Variants in MTUS2 observed in about 807,000 individuals in gnomAD.
MTUS2 encodes microtubule associated scaffold protein 2, also known as microtubule-associated tumor suppressor candidate 2.
A neutral mutation model predicts 114.1 loss-of-function variants in MTUS2; 40 were observed. That is an observed-to-expected ratio of 0.35 (90% confidence interval 0.27 to 0.46). The LOEUF is 0.46. MTUS2 is among the 20% of genes least tolerant of loss of function. The probability of loss-of-function intolerance (pLI) is 1.00; values close to 1 mark genes in which losing one functional copy is unlikely to be tolerated. For synonymous variants in MTUS2, 688 were observed against 672.0 expected, an observed-to-expected ratio of 1.02 and a Z score of -0.37; for missense variants, 1,679 against 1,705.4, an observed-to-expected ratio of 0.98 and a Z score of 0.27.
At chr13:29,158,358 C>CCCCCCCCCTCTT in intron 5 of MTUS2, among the ~76,000 whole-genome samples, 1 of 32,048 alleles carries the variant, frequency 3.1e-5, no homozygotes. Context: ...GTCCACCCCG[C>CCCCCCCCCTCTT]TTTTTTTTTT....
rs571526821 is a variant in MTUS2 at position 28,906,982 on chromosome 13, A to G, written c.-243+67132A>G. ...CACCAAAGTAGAAATGAAGGAAAAA[A>G]TGTTAAGGGCAGCCAGAGAGAAAGG... On this transcript the variant is annotated intron_variant, in intron 2 of 15. Coordinates refer to ENST00000612955, the MANE Select transcript of MTUS2 (RefSeq NM_001033602.4). Among the ~76,000 whole-genome samples, 16 of 151,664 alleles carry G rather than the reference A, an allele frequency of 1.1e-4. 2 individuals carry two copies. In the South Asian group the frequency reaches 2.9e-3, roughly 28 times the overall value.
chr13:29,023,857 A>G (rs965794208), intron 2 of MTUS2, among the ~76,000 whole-genome samples: 20 of 152,320 alleles, frequency 1.3e-4, no homozygotes, highest in African/African-American at 4.6e-4. Flanking sequence ...GAACTAACTA[A>G]TATCAGGAGT....
At chr13:28,934,549 G>T (rs761106003) in intron 2 of MTUS2, among the ~76,000 whole-genome samples, 16 of 152,252 alleles carry the variant, frequency 1.1e-4, no homozygotes, top group South Asian at 6.2e-4. Flanking sequence ...TTGAGACGGA[G>T]TTTCACTGTT....
intron 2 of MTUS2, among the ~76,000 whole-genome samples, chr13:28,982,490 A>G (rs1417346260): frequency 6.6e-6 from 1 of 152,224 alleles, no homozygotes; most frequent in Non-Finnish European, 1.5e-5. Flanking sequence ...ACATAGAATT[A>G]TCATCTGATC....
intron 5 of MTUS2, among the ~76,000 whole-genome samples, chr13:29,158,358 C>CCCCCCCTTCTTT: frequency 6.2e-5 from 2 of 32,048 alleles, no homozygotes; most frequent in Non-Finnish European, 1.0e-4. Flanking sequence ...GTCCACCCCG[C>CCCCCCCTTCTTT]TTTTTTTTTT....
At chr13:28,896,623 G>C (rs879842155) in intron 2 of MTUS2, among the ~76,000 whole-genome samples, 1 of 152,180 alleles carries the variant, frequency 6.6e-6, no homozygotes, top group Admixed American at 6.5e-5. Flanking sequence ...AACAAAGCTG[G>C]TGGCGTCACG....
chr13:29,176,464 T>G (rs1893776883), intron 5 of MTUS2, among the ~76,000 whole-genome samples: 1 of 152,194 alleles, frequency 6.6e-6, no homozygotes, highest in Admixed American at 6.5e-5. Flanking sequence ...TCACAGAGCC[T>G]GTCCAGGGTC....
At chr13:29,136,210 A>T (rs1171923106) in intron 5 of MTUS2, among the ~76,000 whole-genome samples, 2 of 152,184 alleles carry the variant, frequency 1.3e-5, no homozygotes, top group Admixed American at 1.3e-4. Context: ...ATTAGGAACA[A>T]ACTCCCTCAA....
intron 8 of MTUS2, among the ~76,000 whole-genome samples, chr13:29,401,559 T>C (rs1874351971): frequency 6.6e-6 from 1 of 152,176 alleles, no homozygotes; most frequent in Admixed American, 6.5e-5. Flanking sequence ...AGGGGTTTTT[T>C]CCCCATATAA....
intron 5 of MTUS2, among the ~76,000 whole-genome samples, chr13:29,145,910 A>G (rs1566031684): frequency 1.3e-5 from 2 of 152,174 alleles, no homozygotes. Flanking sequence ...CACACCTTCA[A>G]ATGGTAAAGA....
intron 2 of MTUS2, among the ~76,000 whole-genome samples, chr13:29,015,790 C>A (rs1283085972): frequency 6.6e-6 from 1 of 152,030 alleles, no homozygotes; most frequent in Non-Finnish European, 1.5e-5. Context: ...GGAGGAAGAA[C>A]ATGACATGCA....
At chr13:29,483,231 G>A (rs921950996) in intron 10 of MTUS2, among the ~76,000 whole-genome samples, 10 of 152,216 alleles carry the variant, frequency 6.6e-5, no homozygotes, top group African/African-American at 2.2e-4. Flanking sequence ...GGCAGCAGGG[G>A]CAGGTGCTGC....
intron 2 of MTUS2, among the ~76,000 whole-genome samples, chr13:28,985,986 A>G (rs542776115): frequency 6.6e-4 from 100 of 152,340 alleles, no homozygotes; most frequent in Admixed American, 2.0e-3. Context: ...TCTTTAAAAT[A>G]AATCTCAATC....
intron 5 of MTUS2, among the ~76,000 whole-genome samples, chr13:29,178,640 T>C (rs989627453): frequency 2.0e-5 from 3 of 151,504 alleles, no homozygotes; most frequent in African/African-American, 7.3e-5. Context: ...GGGAGCAAAA[T>C]CACTCCCAGT....
intron 5 of MTUS2, among the ~76,000 whole-genome samples, chr13:29,205,849 G>A (rs938373191): frequency 6.6e-6 from 1 of 152,078 alleles, no homozygotes; most frequent in African/African-American, 2.4e-5. Context: ...TTGCAATTGC[G>A]AATTCTGCTG....
At chr13:28,943,127 G>A (rs1882336652) in intron 2 of MTUS2, among the ~76,000 whole-genome samples, 2 of 152,236 alleles carry the variant, frequency 1.3e-5, no homozygotes, top group South Asian at 4.1e-4. Flanking sequence ...GTGATCTGGG[G>A]CAAGTTGCTT....
At chr13:29,487,702 A>G (rs1266911992) in intron 10 of MTUS2, 198 bp from the exon 11 acceptor site, 1 of 596,180 alleles carries the variant, frequency 1.7e-6, no homozygotes, top group Non-Finnish European at 3.0e-6. Flanking sequence ...CCCCCCTACA[A>G]AGAGCCAGGT....
chr13:29,201,385 G>C (rs1362924419), intron 5 of MTUS2, among the ~76,000 whole-genome samples: 2 of 144,610 alleles, frequency 1.4e-5, no homozygotes, highest in Admixed American at 1.4e-4. Flanking sequence ...CAATTTTTTT[G>C]TTTTGAGCCT....
At chr13:28,841,081 T>G (rs970090757) in intron 2 of MTUS2, among the ~76,000 whole-genome samples, 1 of 152,096 alleles carries the variant, frequency 6.6e-6, no homozygotes, top group Non-Finnish European at 1.5e-5. Context: ...ACTTGGACTG[T>G]TTTTCCCAGT....
Sources: allele counts gnomAD v4.1 joint callset (sites outside exome capture counted in the v4.1 genomes callset), GRCh38; gene constraint gnomAD v4.1.1; transcripts MANE v1.5; gene names NCBI Gene and HGNC (gene_info 2026-07-23, HGNC 2026-07-21).